Variants in FSTL5 observed in about 807,000 individuals in gnomAD.
FSTL5 encodes the protein follistatin like 5.
A neutral mutation model predicts 89.1 loss-of-function variants in FSTL5; 62 were observed. That is an observed-to-expected ratio of 0.70 (90% CI 0.57 to 0.86). FSTL5 has a LOEUF of 0.86. Among genes scored for constraint, FSTL5 ranks in the 40% least tolerant of loss-of-function variants. FSTL5 has a pLI of 0.00. For synonymous variants in FSTL5, 383 were observed against 346.2 expected (o/e 1.11, Z -1.18); for missense variants, 1,057 against 1,001.6 (o/e 1.06, Z -0.75).
At position 161,534,462 on chromosome 4, in the gene FSTL5, C is replaced by T. The variant is rs772425225; in HGVS notation, c.1312+3704G>A. Reference sequence around the variant, plus strand: ...GTAGTTGAGAACCAAATTGAAAACACAATTCCATTTATAATAGCTAAAATT... The same window carrying T: ...GTAGTTGAGAACCAAATTGAAAACATAATTCCATTTATAATAGCTAAAATT... On this transcript the variant is annotated intron_variant, in intron 10 of 15. Coordinates refer to ENST00000306100, the MANE Select transcript of FSTL5 (RefSeq NM_020116.5). Among the ~76,000 whole-genome samples, 15 of 152,008 alleles carry T rather than the reference C, an allele frequency of 9.9e-5. 1 individual carries two copies. Among genetic ancestry groups the T allele is most frequent in the Non-Finnish European group, 1.9e-4 (13 of 67,956 alleles).
chr4:161,708,972 C>A lies in FSTL5; in HGVS notation c.727+50439G>T, dbSNP rs138643743. Among the ~76,000 whole-genome samples, 6 of 152,224 alleles carry A rather than the reference C, an allele frequency of 3.9e-5. No homozygotes were observed. The East Asian group carries it at 1.2e-3, about 29-fold the overall frequency. The stretch of plus-strand genomic sequence containing the variant: ...TCTGCTTTAGTGTTTTATATCATAA[C>A]TGTTGTAATACCATTTAAATTTATG... On this transcript the variant is annotated intron_variant, in intron 6 of 15. Coordinates refer to ENST00000306100, the MANE Select transcript of FSTL5 (RefSeq NM_020116.5).
In FSTL5 at chr4:161,630,682, A is replaced by G. The variant is rs182614132; in HGVS notation, c.894+25646T>C. Among the ~76,000 whole-genome samples the G allele has an allele frequency of 4.5e-4, 68 of 152,352 alleles. 2 individuals are homozygous for G. In the East Asian group the frequency reaches 0.011, roughly 24 times the overall value. On this transcript the variant is annotated intron_variant, in intron 7 of 15. Coordinates refer to ENST00000306100, the MANE Select transcript of FSTL5 (RefSeq NM_020116.5). ...TAAATATTATGACTTCAAACTACAC[A>G]TGGTTTACTCAATTGCCTCAAAGTC... is the stretch of plus-strand genomic sequence containing the variant.
intron 3 of FSTL5, among the ~76,000 whole-genome samples, chr4:162,019,203 G>A (rs1684708147): frequency 6.6e-6 from 1 of 151,920 alleles, no homozygotes; most frequent in South Asian, 2.1e-4. Context: ...TCCTAAAGCT[G>A]CTTAACAAAT....
intron 8 of FSTL5, among the ~76,000 whole-genome samples, chr4:161,555,960 A>G (rs1578921941): frequency 6.6e-6 from 1 of 151,648 alleles, no homozygotes; most frequent in East Asian, 1.9e-4. Flanking sequence ...AACTGTTTCA[A>G]CACGCAAGAA....
chr4:162,003,953 T>G (rs568599213), intron 3 of FSTL5, among the ~76,000 whole-genome samples: 1 of 152,222 alleles, frequency 6.6e-6, no homozygotes, highest in African/African-American at 2.4e-5. Flanking sequence ...TCCAAAAGCA[T>G]CTGGGTAGCA....
At chr4:161,727,394 A>G (rs907926895) in intron 6 of FSTL5, among the ~76,000 whole-genome samples, 8 of 152,210 alleles carry the variant, frequency 5.3e-5, no homozygotes, top group Non-Finnish European at 7.4e-5. Flanking sequence ...ATTTAGATTC[A>G]ACAAGAATCA....
At chr4:161,471,570 A>C (rs1733943686) in intron 13 of FSTL5, among the ~76,000 whole-genome samples, 1 of 152,136 alleles carries the variant, frequency 6.6e-6, no homozygotes. Context: ...GCTTCATAGA[A>C]TGGGTTAGGC....
intron 2 of FSTL5, among the ~76,000 whole-genome samples, chr4:162,039,277 T>C (rs1333330039): frequency 1.3e-5 from 2 of 151,852 alleles, no homozygotes; most frequent in Non-Finnish European, 2.9e-5. Flanking sequence ...CCTTTTAGTA[T>C]GGGAGTAATC....
Position 161,987,485 on chromosome 4 carries a change from T to TATATATATATATAC in FSTL5, c.160+46139_160+46140insGTATATATATATAT, listed in dbSNP as rs984214889. ...ATATATATATGTATATATATATATA[T>TATATATATATATAC]ACATACATATATAAAAAATAAATTT... On this transcript the variant is annotated intron_variant, in intron 3 of 15. Transcript: ENST00000306100. 4.1e-3 allele frequency among the ~76,000 whole-genome samples: 586 copies of TATATATATATATAC among 143,590 alleles called. 4 individuals are homozygous for TATATATATATATAC. The highest frequency in any genetic ancestry group is 0.011 in the Middle Eastern group (3 of 276). The allele number at this position is 143,590 out of a possible 152,430, so 94.2% of individuals were successfully genotyped here. A position where few individuals can be genotyped will look rare whatever the true frequency, so the allele number is the denominator to read the frequency against.
chr4:161,668,415 T>C (rs1172662030), intron 6 of FSTL5, among the ~76,000 whole-genome samples: 2 of 152,224 alleles, frequency 1.3e-5, no homozygotes, highest in African/African-American at 4.8e-5. Context: ...CCAGATGGAT[T>C]CACTGATGAA....
intron 2 of FSTL5, among the ~76,000 whole-genome samples, chr4:162,103,489 T>G (rs1011514726): frequency 5.3e-5 from 8 of 152,216 alleles, no homozygotes; most frequent in African/African-American, 1.7e-4. Context: ...TCCATGGGTC[T>G]CTAATAATTA....
intron 13 of FSTL5, among the ~76,000 whole-genome samples, chr4:161,476,277 T>A (rs2126445236): frequency 6.8e-6 from 1 of 147,800 alleles, no homozygotes; most frequent in East Asian, 2.1e-4. Context: ...AGGCTCTGCC[T>A]CCCGAGTTCA....
At chr4:161,394,355 A>T (rs1053851893) in intron 15 of FSTL5, among the ~76,000 whole-genome samples, 2 of 152,156 alleles carry the variant, frequency 1.3e-5, no homozygotes, top group African/African-American at 4.8e-5. Flanking sequence ...GGCTTACTGC[A>T]ACCTCCACCT....
chr4:161,641,528 T>C (rs533856084), intron 7 of FSTL5, among the ~76,000 whole-genome samples: 87 of 150,078 alleles, frequency 5.8e-4, no homozygotes, highest in African/African-American at 2.0e-3. Context: ...TTTGAGACTC[T>C]GTTGCCAGCC....
intron 15 of FSTL5, among the ~76,000 whole-genome samples, chr4:161,412,393 C>G (rs2092510594): frequency 1.3e-5 from 2 of 151,830 alleles, no homozygotes; most frequent in Non-Finnish European, 2.9e-5. Flanking sequence ...CAATCTCAAG[C>G]AAAAGACCAA....
rs1730546882 is a variant in FSTL5, at chr4:161,384,563, C to T, written c.*1184G>A. Reference sequence around the variant, plus strand: ...AACTACAGCACATAGTGAGAAGATGCTTTTAGGATTACAAGAAGATGGATA... The same window carrying T: ...AACTACAGCACATAGTGAGAAGATGTTTTTAGGATTACAAGAAGATGGATA... On this transcript the variant is annotated 3_prime_UTR_variant, in exon 16 of 16. Transcript: ENST00000306100. 6.6e-6 allele frequency: 1 copy of T among 152,018 alleles called. No homozygotes were observed. Among genetic ancestry groups the T allele is most frequent in the Non-Finnish European group, 1.5e-5 (1 of 67,954 alleles). The allele number at this position is 152,018 out of a possible 1,614,324, so 9.4% of individuals were successfully genotyped here.
At chr4:161,571,752 T>C (rs1285680791) in intron 8 of FSTL5, among the ~76,000 whole-genome samples, 1 of 152,166 alleles carries the variant, frequency 6.6e-6, no homozygotes, top group Non-Finnish European at 1.5e-5. Flanking sequence ...ACTGAAGCAA[T>C]GTGGAGCCTT....
chr4:161,458,303 A>G (rs1733436178), intron 14 of FSTL5, among the ~76,000 whole-genome samples: 1 of 152,196 alleles, frequency 6.6e-6, no homozygotes, highest in South Asian at 2.1e-4. Context: ...CCAAAATACT[A>G]TAATATTTTT....
At chr4:161,565,608 C>T (rs1361363346) in intron 8 of FSTL5, among the ~76,000 whole-genome samples, 1 of 151,724 alleles carries the variant, frequency 6.6e-6, no homozygotes, top group Non-Finnish European at 1.5e-5. Context: ...TTGCCCGCCA[C>T]TTAAATGTCA....
Sources: gnomAD v4.1 joint callset for allele counts (sites outside exome capture counted in the v4.1 genomes callset) on GRCh38, gnomAD v4.1.1 for gene constraint, MANE v1.5 for transcripts, NCBI Gene and HGNC (gene_info 2026-07-23, HGNC 2026-07-21) for gene names.